The following CCDC137 variants were observed in gnomAD, a reference collection of about 807,000 sequenced individuals.
CCDC137 encodes the protein coiled-coil domain containing 137.
CCDC137 carries 24 observed loss-of-function variants against 30.4 expected under a neutral mutation model. That is an observed-to-expected ratio of 0.79 (90% CI 0.57 to 1.11). The LOEUF (loss-of-function observed/expected upper bound fraction) is 1.11. Ranked by LOEUF, CCDC137 falls within the 50% of genes least tolerant of loss-of-function variation. CCDC137 has a pLI of 0.00. For synonymous variants in CCDC137, 182 were observed against 155.7 expected, an observed-to-expected ratio of 1.17 and a Z score of -1.26; for missense variants, 417 against 380.4, an observed-to-expected ratio of 1.10 and a Z score of -0.80.
Position 81,673,023 on chromosome 17 carries a change from C to G in CCDC137, c.*319C>G. The G allele has an allele frequency of 2.5e-6, 1 of 403,848 alleles. No homozygotes were observed. The highest frequency in any genetic ancestry group is 4.5e-6 in the Non-Finnish European group (1 of 220,404). 25.0% of individuals were successfully genotyped at this position (403,848 alleles called of 1,614,324 possible). On this transcript the variant is annotated 3_prime_UTR_variant, in exon 6 of 6. Coordinates refer to ENST00000329214, the MANE Select transcript of CCDC137 (RefSeq NM_199287.3). The stretch of plus-strand genomic sequence containing the variant: ...ATCCCTGTCCCTGAACACCAAATAC[C>G]GAGACAGCTGATGAGGCTGGCTCAG...
chr17:81,666,792 C>G lies in CCDC137; in HGVS notation c.26C>G (p.Ala9Gly), dbSNP rs374543963. 2 of 1,467,708 alleles carry G rather than the reference C, an allele frequency of 1.4e-6. No homozygotes were observed. Among genetic ancestry groups the G allele is most frequent in the African/African-American group, 2.9e-5 (2 of 67,804 alleles). The allele number at this position is 1,467,708 out of a possible 1,614,324, so 90.9% of individuals were successfully genotyped here. MAGAGRGA[A>G]VSRVQAGPGS... is the part of the protein sequence containing the mutation. The stretch of plus-strand genomic sequence containing the variant: ...ATGGCGGGAGCTGGTCGCGGAGCAG[C>G]GGTGTCCAGGGTGCAGGCGGGTCCT... Residue 9 changes from alanine to glycine, a missense_variant, in exon 1 of 6, where the codon GCG becomes GGG. Physicochemically the swap from Ala to Gly is moderately conservative, Grantham distance 60. Transcript: ENST00000329214.
chr17:81,670,309 A>AG lies in CCDC137; in HGVS notation c.358dup (p.Glu120GlyfsTer3), dbSNP rs1310161195. On this transcript the variant is annotated frameshift_variant, in exon 3 of 6. Coordinates refer to ENST00000329214, the MANE Select transcript of CCDC137 (RefSeq NM_199287.3). LOFTEE classifies it high-confidence loss of function. ...GCAGTCCCCAAGTTCAAACAGAGGAAGGGGGAGTCTGACGGGGCCTATATC... is the reference window on the plus strand; with the variant it reads ...GCAGTCCCCAAGTTCAAACAGAGGAAGGGGGGAGTCTGACGGGGCCTATATC... 1 of 1,613,906 alleles carries AG rather than the reference A, an allele frequency of 6.2e-7. No homozygotes were observed. Among genetic ancestry groups the AG allele is most frequent in the Non-Finnish European group, 8.5e-7 (1 of 1,180,016 alleles).
intron 3 of CCDC137, 65 bp downstream of exon 3, chr17:81,670,518 T>C (rs74002500): frequency 0.039 from 54,663 of 1,397,664 alleles, 1,784 homozygotes; most frequent in African/African-American, 0.16. Context: ...TGGGTTCCCA[T>C]GACGGCCCTC....
chr17:81,670,427 G>C lies in CCDC137; in HGVS notation c.471G>C (p.Lys157Asn), dbSNP rs74808058. ...QPEVQAAPKE[K>N]SEQKKAKKAF... ...AGGTGCAGGCAGCTCCCAAGGAGAAGTCTGAGCAGAAAAAAGCAAAAAAAG... is the reference window on the plus strand; with the variant it reads ...AGGTGCAGGCAGCTCCCAAGGAGAACTCTGAGCAGAAAAAAGCAAAAAAAG... Residue 157 changes from lysine to asparagine, a missense_variant, in exon 3 of 6, where the codon AAG becomes AAC. Physicochemically the swap from Lys to Asn is moderately conservative, Grantham distance 94 (BLOSUM62 0). Transcript: ENST00000329214. 4.3e-5 allele frequency: 69 copies of C among 1,613,600 alleles called. No individual in the cohort carries two copies. The African/African-American group carries it at 8.5e-4, about 20-fold the overall frequency.
Position 81,672,785 on chromosome 17 carries a change from C to A in CCDC137, c.*81C>A. The stretch of plus-strand genomic sequence containing the variant: ...TACACCTGGGTAGGAGAGAGGCAGG[C>A]CATGCCAGCAGTGTGGGGTGAGGCC... On this transcript the variant is annotated 3_prime_UTR_variant, in exon 6 of 6. Coordinates refer to ENST00000329214, the MANE Select transcript of CCDC137 (RefSeq NM_199287.3). 1 of 1,341,778 alleles carries A rather than the reference C, an allele frequency of 7.5e-7. No individual in the cohort carries two copies. Among genetic ancestry groups the A allele is most frequent in the Non-Finnish European group, 1.0e-6 (1 of 993,354 alleles). 83.1% of individuals were successfully genotyped at this position (1,341,778 alleles called of 1,614,324 possible).
rs1598735105 is a variant in CCDC137, at chr17:81,672,804, T to G, written c.*100T>G. The G allele has an allele frequency of 8.7e-7, 1 of 1,144,276 alleles. No individual in the cohort carries two copies. Among genetic ancestry groups the G allele is most frequent in the East Asian group, 2.6e-5 (1 of 38,652 alleles). The allele number at this position is 1,144,276 out of a possible 1,614,324, so 70.9% of individuals were successfully genotyped here. A position where few individuals can be genotyped will look rare whatever the true frequency, so the allele number is the denominator to read the frequency against. On this transcript the variant is annotated 3_prime_UTR_variant, in exon 6 of 6. Coordinates refer to ENST00000329214, the MANE Select transcript of CCDC137 (RefSeq NM_199287.3). Reference sequence around the variant, plus strand: ...GGCAGGCCATGCCAGCAGTGTGGGGTGAGGCCTCCAGCTACTTGTTCACAC... The same window carrying G: ...GGCAGGCCATGCCAGCAGTGTGGGGGGAGGCCTCCAGCTACTTGTTCACAC...
chr17:81,667,656 A>C, intron 1 of CCDC137, 73 bp from the exon 2 acceptor site: 2 of 1,572,596 alleles, frequency 1.3e-6, no homozygotes, highest in Admixed American at 3.5e-5. Flanking sequence ...GCCAGACCCA[A>C]CTATTGTTTC....
Position 81,673,091 on chromosome 17 carries a change from A to G in CCDC137, c.*387A>G, listed in dbSNP as rs1041480589. 2 of 250,634 alleles carry G rather than the reference A, an allele frequency of 8.0e-6. No homozygotes were observed. The highest frequency in any genetic ancestry group is 1.6e-5 in the Non-Finnish European group (2 of 127,946). 15.5% of individuals were successfully genotyped at this position (250,634 alleles called of 1,614,324 possible). A position where few individuals can be genotyped will look rare whatever the true frequency, so the allele number is the denominator to read the frequency against. Reference sequence around the variant, plus strand: ...CGGGAGTCAGCAGAGCCGAGCGTACAGTGCACATCAGGCAGAGCAGGCCAC... The same window carrying G: ...CGGGAGTCAGCAGAGCCGAGCGTACGGTGCACATCAGGCAGAGCAGGCCAC... On this transcript the variant is annotated 3_prime_UTR_variant, in exon 6 of 6. Transcript: ENST00000329214.
At position 81,666,897 on chromosome 17, in the gene CCDC137, G is replaced by A; in HGVS notation, c.131G>A (p.Arg44His). The change falls in exon 1 of 6, where the codon CGC becomes CAC. Residue 44 changes from arginine to histidine, a missense_variant. By Grantham distance (29) the Arg-to-His change is conservative. Coordinates refer to ENST00000329214, the MANE Select transcript of CCDC137 (RefSeq NM_199287.3). The stretch of plus-strand genomic sequence containing the variant: ...CGCCCAGCCCCGTGGCCCGGGCTTC[G>A]CAGGTGACTGCGCTGCCCCGCGAGG... ...KQRPAPWPGL[R>H]SKEKKKVNCK... 7.8e-7 allele frequency: 1 copy of A among 1,277,156 alleles called. No homozygotes were observed. The highest frequency in any genetic ancestry group is 9.9e-7 in the Non-Finnish European group (1 of 1,010,668). The allele number at this position is 1,277,156 out of a possible 1,614,324, so 79.1% of individuals were successfully genotyped here.
At chr17:81,667,154 G>A (rs1264458522) in intron 1 of CCDC137, 11 of 391,770 alleles carry the variant, frequency 2.8e-5, no homozygotes, top group Non-Finnish European at 4.9e-5. Flanking sequence ...AGGTCAGGGC[G>A]GAAAGGCCTC....
At chr17:81,670,824 C>T (rs2036712076) in intron 3 of CCDC137, among the ~76,000 whole-genome samples, 1 of 152,132 alleles carries the variant, frequency 6.6e-6, no homozygotes, top group South Asian at 2.1e-4. Flanking sequence ...GAGACTACAC[C>T]TTCCTAATTC....
chr17:81,672,870 C>T lies in CCDC137; in HGVS notation c.*166C>T, dbSNP rs1396876071. On this transcript the variant is annotated 3_prime_UTR_variant, in exon 6 of 6. Transcript: ENST00000329214. ...GTCCACATCTTGCAGGGGGTGAGTG[C>T]CCGATGGACTAGGGCCAAGGCCTGG... is the stretch of plus-strand genomic sequence containing the variant. The T allele has an allele frequency of 1.2e-5, 8 of 667,800 alleles. No homozygotes were observed. In the East Asian group the frequency reaches 2.2e-4, roughly 18 times the overall value. The allele number at this position is 667,800 out of a possible 1,614,324, so 41.4% of individuals were successfully genotyped here.
intron 2 of CCDC137, 64 bp downstream of exon 2, chr17:81,667,926 A>C (rs2036665611): frequency 2.7e-5 from 43 of 1,564,468 alleles, no homozygotes; most frequent in Non-Finnish European, 3.7e-5. Flanking sequence ...CCAATCGCCC[A>C]AATACTTCAG....
rs1357312280 is a variant in CCDC137, at chr17:81,667,791, G to A, written c.197G>A (p.Arg66Gln). ...KNQDEQEIPFRLREIMRSRQE... is the reference protein window; with the variant it reads ...KNQDEQEIPFQLREIMRSRQE... ...CAGGACGAACAGGAGATTCCTTTCCGGCTCCGGGAGATTATGAGGAGCCGC... is the reference window on the plus strand; with the variant it reads ...CAGGACGAACAGGAGATTCCTTTCCAGCTCCGGGAGATTATGAGGAGCCGC... Residue 66 changes from arginine to glutamine, a missense_variant, in exon 2 of 6, where the codon CGG becomes CAG. By Grantham distance (43) the Arg-to-Gln change is conservative (BLOSUM62 1). Transcript: ENST00000329214. 2.5e-6 allele frequency: 4 copies of A among 1,612,998 alleles called. No individual in the cohort carries two copies. Among genetic ancestry groups the A allele is most frequent in the Non-Finnish European group, 1.7e-6 (2 of 1,180,012 alleles).
At position 81,672,079 on chromosome 17, in the gene CCDC137, C is replaced by T. The variant is rs767994197; in HGVS notation, c.584C>T (p.Thr195Met). The stretch of plus-strand genomic sequence containing the variant: ...CAGTTGTATTCTGCTCCTCCAGACA[C>T]GGTGAAGTTTGGTGAGGTTGTCCTG... ...DRLEQELLRD[T>M]VKFGEVVLQP... is the part of the protein sequence containing the mutation. Residue 195 changes from threonine (T) to methionine (M), a missense_variant, in exon 5 of 6, where the codon ACG becomes ATG. Thr to Met is a moderately conservative substitution (Grantham distance 81). Transcript: ENST00000329214. The T allele has an allele frequency of 4.3e-5, 69 of 1,614,050 alleles. No homozygotes were observed. Among genetic ancestry groups the T allele is most frequent in the East Asian group, 1.3e-4 (6 of 44,874 alleles).
intron 2 of CCDC137, 78 bp from the exon 3 acceptor site, chr17:81,670,147 G>T: frequency 1.8e-6 from 2 of 1,113,114 alleles, no homozygotes; most frequent in African/African-American, 1.6e-5. Flanking sequence ...CTGTGGCTTT[G>T]GGAGGGGAAA....
At chr17:81,668,737 C>T (rs2036682616) in intron 2 of CCDC137, among the ~76,000 whole-genome samples, 1 of 152,076 alleles carries the variant, frequency 6.6e-6, no homozygotes, top group African/African-American at 2.4e-5. Context: ...GTCTTGCTTC[C>T]TCGCCCAGGC....
At chr17:81,668,741 C>G (rs1047165977) in intron 2 of CCDC137, among the ~76,000 whole-genome samples, 3 of 152,156 alleles carry the variant, frequency 2.0e-5, no homozygotes, top group Non-Finnish European at 4.4e-5. Context: ...TGCTTCCTCG[C>G]CCAGGCTGGA....
intron 2 of CCDC137, among the ~76,000 whole-genome samples, chr17:81,668,999 C>T (rs565881836): frequency 6.6e-6 from 1 of 151,928 alleles, no homozygotes; most frequent in Non-Finnish European, 1.5e-5. Context: ...AAGCAATTCT[C>T]CTGCCTCAGC....
Sources: gnomAD v4.1 joint callset for allele counts (sites outside exome capture counted in the v4.1 genomes callset) on GRCh38, gnomAD v4.1.1 for gene constraint, MANE v1.5 for transcripts, NCBI Gene and HGNC (gene_info 2026-07-23, HGNC 2026-07-21) for gene names.